The following LRRTM4 variants were observed in gnomAD, a reference collection of about 807,000 sequenced individuals.
The protein encoded by LRRTM4 is leucine-rich repeat transmembrane neuronal protein 4.
LRRTM4 carries 25 observed loss-of-function variants against 47.6 expected under a neutral mutation model. The ratio of observed to expected loss-of-function variants is 0.53; its 90% CI spans 0.38 to 0.73. The LOEUF is 0.73. Ranked by LOEUF, LRRTM4 falls within the 30% of genes least tolerant of loss-of-function variation. The probability of loss-of-function intolerance (pLI) is 0.00; values close to 1 mark genes in which losing one functional copy is unlikely to be tolerated. For synonymous variants in LRRTM4, 311 were observed against 269.5 expected (o/e 1.15, Z -1.51); for missense variants, 638 against 713.4 (o/e 0.89, Z 1.20).
chr2:76,810,315 A>G (rs76737178), intron 3 of LRRTM4, among the ~76,000 whole-genome samples: 7,002 of 152,272 alleles, frequency 0.046, 473 homozygotes, highest in African/African-American at 0.14. Context: ...ACATTTTCTA[A>G]GATTATCCTC....
intron 3 of LRRTM4, among the ~76,000 whole-genome samples, chr2:77,510,661 A>G (rs1302758251): frequency 6.6e-6 from 1 of 152,054 alleles, no homozygotes; most frequent in African/African-American, 2.4e-5. Context: ...AACTCTATAT[A>G]TTCCTATTTT....
At chr2:77,248,935 A>G (rs765421135) in intron 3 of LRRTM4, among the ~76,000 whole-genome samples, 5 of 152,190 alleles carry the variant, frequency 3.3e-5, no homozygotes, top group African/African-American at 1.2e-4. Context: ...AAAAAATATA[A>G]AACTCTTAGA....
intron 3 of LRRTM4, among the ~76,000 whole-genome samples, chr2:76,954,539 C>G (rs990429265): frequency 2.0e-5 from 3 of 151,354 alleles, no homozygotes; most frequent in South Asian, 4.2e-4. Flanking sequence ...GGATGAAAGC[C>G]AAAGGATCTA....
chr2:77,184,048 A>G (rs1673431337), intron 3 of LRRTM4, among the ~76,000 whole-genome samples: 1 of 152,264 alleles, frequency 6.6e-6, no homozygotes, highest in Admixed American at 6.5e-5. Context: ...AAACCTGCAC[A>G]TTGTGCACAT....
intron 3 of LRRTM4, among the ~76,000 whole-genome samples, chr2:77,141,510 T>C (rs1672122251): frequency 6.6e-6 from 1 of 151,922 alleles, no homozygotes; most frequent in Admixed American, 6.6e-5. Context: ...TTAGCAGATA[T>C]ACCTAATGTA....
At chr2:76,821,936 A>G (rs1671063960) in intron 3 of LRRTM4, among the ~76,000 whole-genome samples, 1 of 151,636 alleles carries the variant, frequency 6.6e-6, no homozygotes, top group Admixed American at 6.6e-5. Context: ...ATGTTGGAAC[A>G]GAGTCCAATT....
intron 3 of LRRTM4, among the ~76,000 whole-genome samples, chr2:77,318,884 CTT>C (rs57950102): frequency 0.23 from 34,534 of 149,994 alleles, 4,368 homozygotes; most frequent in East Asian, 0.41. Flanking sequence ...CCTACTTGCT[CTT>C]TTTTTTTTAT....
At chr2:77,206,181 T>A (rs1196502030) in intron 3 of LRRTM4, among the ~76,000 whole-genome samples, 1 of 37,202 alleles carries the variant, frequency 2.7e-5, no homozygotes, top group South Asian at 7.1e-4. Flanking sequence ...AAAATTCTAT[T>A]TTTTTTTTTT....
chr2:76,944,673 A>G lies in LRRTM4; in HGVS notation c.1552-195757T>C, dbSNP rs1350276296. ...ATTTAAAACTCGTCTGCTCTCTTCAATTTTTTCCCTAAAAGTATGGTCATA... is the reference window on the plus strand; with the variant it reads ...ATTTAAAACTCGTCTGCTCTCTTCAGTTTTTTCCCTAAAAGTATGGTCATA... On this transcript the variant is annotated intron_variant, in intron 3 of 3. Transcript: ENST00000409884. Among the ~76,000 whole-genome samples the G allele has an allele frequency of 3.3e-5, 5 of 152,038 alleles. No homozygotes were observed. The East Asian group carries it at 5.8e-4, about 18-fold the overall frequency.
intron 3 of LRRTM4, among the ~76,000 whole-genome samples, chr2:76,938,388 T>A (rs982552302): frequency 1.6e-5 from 2 of 121,500 alleles, no homozygotes; most frequent in Admixed American, 9.1e-5. Context: ...CAAAAGAATA[T>A]AAATTGTTAA....
chr2:77,384,397 A>G (rs559428861), intron 3 of LRRTM4, among the ~76,000 whole-genome samples: 42 of 152,016 alleles, frequency 2.8e-4, no homozygotes, highest in Non-Finnish European at 5.2e-4. Context: ...TATTTCTTAA[A>G]GAACTCAGTG....
intron 3 of LRRTM4, among the ~76,000 whole-genome samples, chr2:77,263,526 G>T (rs568787819): frequency 1.3e-4 from 20 of 152,162 alleles, no homozygotes; most frequent in African/African-American, 3.6e-4. Context: ...CAGATGGATA[G>T]TTTCAAAATT....
At position 77,113,922 on chromosome 2, in the gene LRRTM4, GC is replaced by G. The variant is rs1166702882; in HGVS notation, c.1552-365007del. ...ATGGCCCAGGGCTGTCCTATTCGGG[GC>G]CGCGGAAGCTGCAAGTAGCGGCTCT... is the stretch of plus-strand genomic sequence containing the variant. On this transcript the variant is annotated intron_variant, in intron 3 of 3. Transcript: ENST00000409884. Among the ~76,000 whole-genome samples, 5 of 152,252 alleles carry G rather than the reference GC, an allele frequency of 3.3e-5. No homozygotes were observed. The East Asian group carries it at 7.7e-4, about 24-fold the overall frequency.
At chr2:76,941,648 C>A (rs556308212) in intron 3 of LRRTM4, among the ~76,000 whole-genome samples, 2 of 152,098 alleles carry the variant, frequency 1.3e-5, no homozygotes, top group Non-Finnish European at 2.9e-5. Context: ...TGAACTCAAC[C>A]TTTATATGGC....
intron 3 of LRRTM4, among the ~76,000 whole-genome samples, chr2:77,268,442 T>C (rs1346314149): frequency 6.6e-6 from 1 of 152,116 alleles, no homozygotes; most frequent in African/African-American, 2.4e-5. Flanking sequence ...CCTGTGTCTC[T>C]CTAAGTCTTT....
At chr2:76,795,354 AT>A (rs1558658205) in intron 3 of LRRTM4, among the ~76,000 whole-genome samples, 10 of 137,596 alleles carry the variant, frequency 7.3e-5, no homozygotes, top group South Asian at 2.3e-4. Context: ...TTCTATATCC[AT>A]GAATTTAACC....
chr2:77,395,588 T>G (rs2103823530), intron 3 of LRRTM4, among the ~76,000 whole-genome samples: 1 of 152,032 alleles, frequency 6.6e-6, no homozygotes, highest in Non-Finnish European at 1.5e-5. Context: ...TTATAGAATT[T>G]TATAAGTTGA....
intron 3 of LRRTM4, among the ~76,000 whole-genome samples, chr2:77,068,387 TCAC>T (rs1446124371): frequency 1.3e-5 from 2 of 152,138 alleles, no homozygotes; most frequent in East Asian, 3.9e-4. Context: ...AGTTATACTA[TCAC>T]CACTGTCTAA....
Position 76,748,540 on chromosome 2 carries a change from G to GTTT in LRRTM4, c.*152_*154dup. ...GTGCATTCGCTGCCCTCTTCAAGCA[G>GTTT]TTTTTTTTTCTCTTTTTCTTTTCTC... On this transcript the variant is annotated 3_prime_UTR_variant, in exon 4 of 4. Transcript: ENST00000409884. 3.2e-6 allele frequency: 2 copies of GTTT among 634,918 alleles called. No individual in the cohort carries two copies. Among genetic ancestry groups the GTTT allele is most frequent in the South Asian group, 2.0e-5 (1 of 49,170 alleles). 39.3% of individuals were successfully genotyped at this position (634,918 alleles called of 1,614,324 possible).
Sources: gnomAD v4.1 joint callset for allele counts (sites outside exome capture counted in the v4.1 genomes callset) on GRCh38, gnomAD v4.1.1 for gene constraint, MANE v1.5 for transcripts, NCBI Gene and HGNC (gene_info 2026-07-23, HGNC 2026-07-21) for gene names.